EMSY: variants seen among roughly 807,000 people sequenced by gnomAD.
The protein encoded by EMSY is EMSY transcriptional repressor, BRCA2 interacting.
A neutral mutation model predicts 134.6 loss-of-function variants in EMSY; 26 were observed. The observed-to-expected ratio is 0.19, with a 90% CI of 0.14 to 0.27. The LOEUF (loss-of-function observed/expected upper bound fraction) is 0.27. Among genes scored for constraint, EMSY ranks in the 10% least tolerant of loss-of-function variants. The pLI is 1.00. For synonymous variants in EMSY, 579 were observed against 577.8 expected (o/e 1.00, Z -0.03); for missense variants, 1,305 against 1,611.4 (o/e 0.81, Z 3.26).
exon 12 of EMSY, chr11:76,523,253 C>T: frequency 1.2e-6 from 2 of 1,613,522 alleles, no homozygotes; most frequent in Non-Finnish European, 1.7e-6. Context: ...TCAAGGCCTC[C>T]CGGGCAAAAA....
intron 8 of EMSY, among the ~76,000 whole-genome samples, chr11:76,490,855 G>GGT (rs61555535): frequency 0.016 from 2,426 of 148,672 alleles, 43 homozygotes; most frequent in African/African-American, 0.049. Flanking sequence ...ATTGCTAGGG[G>GGT]GTGTGTGTGT....
intron 8 of EMSY, among the ~76,000 whole-genome samples, chr11:76,476,926 T>C (rs1007896582): frequency 1.3e-5 from 2 of 152,198 alleles, no homozygotes; most frequent in Admixed American, 1.3e-4. Context: ...AGAGGAAATA[T>C]ATCGTCGTTT....
At chr11:76,466,254 C>T (rs1368947419) in intron 7 of EMSY, among the ~76,000 whole-genome samples, 3 of 152,168 alleles carry the variant, frequency 2.0e-5, no homozygotes, top group African/African-American at 7.2e-5. Flanking sequence ...TTCCTCTCTT[C>T]AGTTGCATGT....
chr11:76,446,957 A>T, exon 2 of EMSY: 1 of 1,613,610 alleles, frequency 6.2e-7, no homozygotes, highest in Non-Finnish European at 8.5e-7. Context: ...TGTGTGGCCA[A>T]CCCTTCTGGA....
intron 10 of EMSY, 21 bp downstream of exon 11, chr11:76,513,556 GT>G: frequency 6.2e-7 from 1 of 1,610,072 alleles, no homozygotes; most frequent in Non-Finnish European, 8.5e-7. Flanking sequence ...TTGAGCATCA[GT>G]TCATTTATTC....
At chr11:76,546,275 G>T (rs201334527) in exon 20 of EMSY, 26 of 1,610,434 alleles carry the variant, frequency 1.6e-5, no homozygotes, top group Non-Finnish European at 5.9e-6. Flanking sequence ...GCTGAAGAGA[G>T]TCCAGCAGAA....
At chr11:76,529,556 C>G (rs1204339790) in intron 14 of EMSY, among the ~76,000 whole-genome samples, 3 of 152,046 alleles carry the variant, frequency 2.0e-5, no homozygotes, top group African/African-American at 7.2e-5. Context: ...AGCATAAAAT[C>G]TAGATCTAGA....
chr11:76,498,664 C>G (rs1949740663), intron 9 of EMSY, among the ~76,000 whole-genome samples: 1 of 151,756 alleles, frequency 6.6e-6, no homozygotes, highest in African/African-American at 2.4e-5. Flanking sequence ...AAATTTAATT[C>G]CAATTTAACT....
chr11:76,456,366 A>G (rs958255853), intron 4 of EMSY, among the ~76,000 whole-genome samples: 5 of 152,186 alleles, frequency 3.3e-5, no homozygotes, highest in Admixed American at 6.6e-5. Flanking sequence ...TTGTCTTTTC[A>G]GTAGCATATG....
intron 4 of EMSY, among the ~76,000 whole-genome samples, chr11:76,456,155 A>G (rs561049458): frequency 3.3e-4 from 51 of 152,338 alleles, no homozygotes; most frequent in Non-Finnish European, 6.3e-4. Flanking sequence ...TTTAGTCTAT[A>G]AAATCTAGTT....
intron 7 of EMSY, among the ~76,000 whole-genome samples, chr11:76,466,613 C>T (rs553280208): frequency 6.6e-6 from 1 of 152,098 alleles, no homozygotes; most frequent in Admixed American, 6.5e-5. Context: ...CTTAAAGAAC[C>T]TCCTCGAGTT....
At chr11:76,523,045 C>A in intron 11 of EMSY, 110 bp from the exon 13 acceptor site, 1 of 1,091,796 alleles carries the variant, frequency 9.2e-7, no homozygotes, top group Non-Finnish European at 1.3e-6. Context: ...GCTTTCATGT[C>A]ATCTAGGAAT....
chr11:76,458,414 A>G (rs752207161), intron 5 of EMSY, 56 bp downstream of exon 6: 1 of 1,460,842 alleles, frequency 6.8e-7, no homozygotes, highest in Non-Finnish European at 9.1e-7. Flanking sequence ...TCTTCAAGAA[A>G]ATTTCAAGAA....
chr11:76,544,938 A>C, intron 19 of EMSY, 116 bp downstream of exon 20: 1 of 1,128,326 alleles, frequency 8.9e-7, no homozygotes, highest in Non-Finnish European at 1.2e-6. Context: ...GGAAACCCAA[A>C]AGCCTCATTA....
At chr11:76,547,526 G>A (rs1256364795) in intron 20 of EMSY, among the ~76,000 whole-genome samples, 1 of 152,162 alleles carries the variant, frequency 6.6e-6, no homozygotes, top group Non-Finnish European at 1.5e-5. Context: ...GTATGATTTT[G>A]GGCAAGGCTA....
In EMSY at chr11:76,550,094, C is replaced by T. The variant is rs763322420; in HGVS notation, c.3917C>T (p.Thr1306Met). Reference sequence around the variant, plus strand: ...ATGGAGCAGGACATAGACAGTAGCACGGAGGATGGAACTGAACCCAGCCCT... The same window carrying T: ...ATGGAGCAGGACATAGACAGTAGCATGGAGGATGGAACTGAACCCAGCCCT... Residue 1306 changes from threonine (T) to methionine (M), a missense_variant, in exon 21 of 21, where the codon ACG becomes ATG. Thr to Met is a moderately conservative substitution (Grantham distance 81). Around this residue, in one of 7 missense-constraint regions of EMSY, gnomAD observed 664 missense variants for 763.9 expected, o/e 0.87. Coordinates refer to ENST00000334736, the Ensembl canonical transcript of EMSY. 43 of 1,613,538 alleles carry T rather than the reference C, an allele frequency of 2.7e-5. No individual in the cohort carries two copies. In the South Asian group the frequency reaches 3.1e-4, roughly 12 times the overall value.
intron 8 of EMSY, among the ~76,000 whole-genome samples, chr11:76,495,746 A>ATACT (rs1304126867): frequency 2.0e-5 from 3 of 152,180 alleles, no homozygotes; most frequent in Non-Finnish European, 4.4e-5. Context: ...TCAAAAGATG[A>ATACT]ATGTGAGTTA....
At chr11:76,451,742 A>G (rs1175641943) in intron 2 of EMSY, 116 bp from the exon 3 acceptor site, 1 of 501,694 alleles carries the variant, frequency 2.0e-6, no homozygotes, top group Non-Finnish European at 3.3e-6. Context: ...AAAGGAATTT[A>G]AAACAATATT....
rs919098282 is a variant in EMSY at position 76,537,959 on chromosome 11, C to T, written c.2515+9C>T. The stretch of plus-strand genomic sequence containing the variant: ...TGAATACATCACTACTGGTAGGTGT[C>T]CTCTTAAAATGTAGTATTAAGGTAG... On this transcript the variant is annotated intron_variant, in intron 16 of 20. Coordinates refer to ENST00000334736, the Ensembl canonical transcript of EMSY. 2 of 1,600,998 alleles carry T rather than the reference C, an allele frequency of 1.2e-6. No homozygotes were observed. Among genetic ancestry groups the T allele is most frequent in the Non-Finnish European group, 1.7e-6 (2 of 1,173,600 alleles).
Sources: gnomAD v4.1 joint callset for allele counts (sites outside exome capture counted in the v4.1 genomes callset) on GRCh38, gnomAD v4.1.1 for gene constraint, gnomAD v4.1.1 regional missense constraint, MANE v1.5 for transcripts, NCBI Gene and HGNC (gene_info 2026-07-23, HGNC 2026-07-21) for gene names.